ACTN4: variants seen among roughly 807,000 people sequenced by gnomAD.
The protein encoded by ACTN4 is actinin alpha 4.
ACTN4 carries 18 observed loss-of-function variants against 114.2 expected under a neutral mutation model. The ratio of observed to expected loss-of-function variants is 0.16; its 90% CI spans 0.11 to 0.23. ACTN4 has a LOEUF of 0.23. Ranked by LOEUF, ACTN4 falls within the 10% of genes least tolerant of loss-of-function variation. ACTN4 has a pLI of 1.00. For synonymous variants in ACTN4, 515 were observed against 506.3 expected, an observed-to-expected ratio of 1.02 and a Z score of -0.23; for missense variants, 722 against 1,262.9, an observed-to-expected ratio of 0.57 and a Z score of 6.49.
In ACTN4 at chr19:38,710,333, A is replaced by T. The variant is rs1243718812; in HGVS notation, c.810A>T (p.Gly270=). The T allele has an allele frequency of 6.2e-7, 1 of 1,613,792 alleles. No homozygotes were observed. Among genetic ancestry groups the T allele is most frequent in the East Asian group, 2.2e-5 (1 of 44,876 alleles). ...CCAGCTTCTACCATGCCTTTTCAGG[A>T]GCGCAGAAGGTACCGAGCAGGGCCA... ...YVSSFYHAFS[G]AQKAETAANR... The change falls in exon 8 of 21, where the codon GGA becomes GGT. Residue 270 remains glycine (G), a synonymous_variant. Transcript: ENST00000252699.
chr19:38,669,253 T>A (rs1967061269), intron 1 of ACTN4, among the ~76,000 whole-genome samples: 1 of 152,032 alleles, frequency 6.6e-6, no homozygotes, highest in African/African-American at 2.4e-5. Context: ...CCCAAAGTGC[T>A]GGGATTACAG....
At chr19:38,718,147 G>A in intron 11 of ACTN4, 73 bp downstream of exon 11, 3 of 1,554,712 alleles carry the variant, frequency 1.9e-6, no homozygotes, top group African/African-American at 2.7e-5. Context: ...GGCATGCATG[G>A]GTGTGCACAC....
chr19:38,660,973 G>T (rs1976867257), intron 1 of ACTN4, among the ~76,000 whole-genome samples: 1 of 151,988 alleles, frequency 6.6e-6, no homozygotes, highest in South Asian at 2.1e-4. Context: ...GTTCCTTAAC[G>T]GATGAGAAAG....
rs1414340802 is a variant in ACTN4, at chr19:38,717,911, T to C, written c.1144-16T>C. The C allele has an allele frequency of 1.3e-6, 2 of 1,580,954 alleles. No homozygotes were observed. The highest frequency in any genetic ancestry group is 1.3e-5 in the African/African-American group (1 of 74,342). ...ACTTCCTTGTGATAGCCCTGCCTGCTCCTGCCCTGCCCCAGGACATCAACA... is the reference window on the plus strand; with the variant it reads ...ACTTCCTTGTGATAGCCCTGCCTGCCCCTGCCCTGCCCCAGGACATCAACA... On this transcript the variant is annotated splice_polypyrimidine_tract_variant and intron_variant, in intron 10 of 20. Transcript: ENST00000252699. This position sits in a 1 kb window ranked among gnomAD's most constrained non-coding sequence, Gnocchi z 4.0.
chr19:38,701,243 C>G (rs1286439573), intron 3 of ACTN4, 122 bp downstream of exon 3: 2 of 1,496,036 alleles, frequency 1.3e-6, no homozygotes, highest in African/African-American at 2.8e-5. Context: ...CACTCAGAGC[C>G]CCAGTACATA....
At chr19:38,708,543 A>G (rs1371136914) in intron 6 of ACTN4, among the ~76,000 whole-genome samples, 1 of 152,226 alleles carries the variant, frequency 6.6e-6, no homozygotes, top group African/African-American at 2.4e-5. Context: ...AGGAATTCCA[A>G]ACCATCACCA....
chr19:38,656,596 A>G (rs1976717375), intron 1 of ACTN4, among the ~76,000 whole-genome samples: 1 of 152,228 alleles, frequency 6.6e-6, no homozygotes, highest in African/African-American at 2.4e-5. Context: ...CATGGGGCAG[A>G]AGTAGTTGGA....
rs750438589 is a variant in ACTN4 at position 38,724,256 on chromosome 19, G to C, written c.1792G>C (p.Ala598Pro). Residue 598 changes from alanine (A) to proline (P), a missense_variant, in exon 15 of 21, where the codon GCT becomes CCT. Coordinates refer to ENST00000252699, the MANE Select transcript of ACTN4 (RefSeq NM_004924.6). This position sits in a 1 kb window ranked among gnomAD's most constrained non-coding sequence, Gnocchi z 7.0. ...LAIHKEAQRI[A>P]ESNHIKLSGS... ...CATCCACAAGGAGGCCCAGAGGATCGCTGAGAGCAACCACATCAAGCTGTC... is the reference window on the plus strand; with the variant it reads ...CATCCACAAGGAGGCCCAGAGGATCCCTGAGAGCAACCACATCAAGCTGTC... 2 of 1,613,904 alleles carry C rather than the reference G, an allele frequency of 1.2e-6. No homozygotes were observed. The highest frequency in any genetic ancestry group is 1.1e-5 in the South Asian group (1 of 91,086).
intron 1 of ACTN4, among the ~76,000 whole-genome samples, chr19:38,655,934 A>G (rs1976699057): frequency 6.6e-6 from 1 of 152,226 alleles, no homozygotes; most frequent in African/African-American, 2.4e-5. Context: ...GGAAATAATG[A>G]CAAAAATATG....
chr19:38,655,546 C>T (rs1407321706), intron 1 of ACTN4, among the ~76,000 whole-genome samples: 1 of 152,146 alleles, frequency 6.6e-6, no homozygotes, highest in Non-Finnish European at 1.5e-5. Flanking sequence ...TCGAGGTGGG[C>T]AGGGCAGCAC....
At chr19:38,709,774 G>C (rs542689546) in intron 7 of ACTN4, among the ~76,000 whole-genome samples, 43 of 152,338 alleles carry the variant, frequency 2.8e-4, no homozygotes, top group Non-Finnish European at 4.7e-4. Flanking sequence ...GGCCCAGGAA[G>C]GGCAAGGTGG....
intron 8 of ACTN4, chr19:38,711,459 C>A: frequency 1.7e-6 from 1 of 585,460 alleles, no homozygotes; most frequent in Non-Finnish European, 2.2e-6. Flanking sequence ...GAGCCCTGGC[C>A]AGGCCGTGGG....
At chr19:38,656,104 G>A (rs115273423) in intron 1 of ACTN4, among the ~76,000 whole-genome samples, 2,153 of 152,050 alleles carry the variant, frequency 0.014, 58 homozygotes, top group African/African-American at 0.048. Context: ...TTCTTTCTTC[G>A]TTTTTCTTGC....
At chr19:38,713,973 A>G (rs1345316132) in intron 8 of ACTN4, among the ~76,000 whole-genome samples, 2 of 152,050 alleles carry the variant, frequency 1.3e-5, no homozygotes, top group African/African-American at 4.8e-5. Flanking sequence ...TGGAGCTCCT[A>G]TTAACATTGC....
intron 1 of ACTN4, among the ~76,000 whole-genome samples, chr19:38,688,008 T>A (rs1967801362): frequency 7.3e-6 from 1 of 137,410 alleles, no homozygotes; most frequent in Non-Finnish European, 1.7e-5. Context: ...CATGAAAAGG[T>A]GTTCGATGTC....
chr19:38,656,511 A>T (rs1055239112), intron 1 of ACTN4, among the ~76,000 whole-genome samples: 5 of 152,244 alleles, frequency 3.3e-5, no homozygotes, highest in African/African-American at 1.2e-4. Flanking sequence ...TGCTGAGTTA[A>T]CAAGGCTTAT....
At chr19:38,698,982 G>A (rs1462089153) in intron 1 of ACTN4, among the ~76,000 whole-genome samples, 2 of 152,320 alleles carry the variant, frequency 1.3e-5, no homozygotes, top group Admixed American at 6.5e-5. Context: ...GCCTGCACCC[G>A]GGGCGTGGAA....
intron 1 of ACTN4, among the ~76,000 whole-genome samples, chr19:38,659,065 C>CTTTTTTTTT (rs577141157): frequency 0.052 from 5,840 of 111,320 alleles, 505 homozygotes; most frequent in Middle Eastern, 0.099. Flanking sequence ...CTTTTCTTTT[C>CTTTTTTTTT]TTTTTTTTTT....
At chr19:38,695,021 C>G (rs1968048665) in intron 1 of ACTN4, among the ~76,000 whole-genome samples, 1 of 152,146 alleles carries the variant, frequency 6.6e-6, no homozygotes, top group Non-Finnish European at 1.5e-5. Flanking sequence ...ACTACAGGCG[C>G]TCAGTACCAC....
Sources: gnomAD v4.1 joint callset for allele counts (sites outside exome capture counted in the v4.1 genomes callset) on GRCh38, gnomAD v4.1.1 for gene constraint, Gnocchi (gnomAD v3.1) non-coding constraint, MANE v1.5 for transcripts, NCBI Gene and HGNC (gene_info 2026-07-23, HGNC 2026-07-21) for gene names.